Variants in PAQR8 observed in about 807,000 individuals in gnomAD.
The protein encoded by PAQR8 is membrane progestin receptor beta.
PAQR8 carries 17 observed loss-of-function variants against 25.2 expected under a neutral mutation model. The ratio of observed to expected loss-of-function variants is 0.67; its 90% CI spans 0.46 to 1.01. The LOEUF (loss-of-function observed/expected upper bound fraction) is 1.01. Ranked by LOEUF, PAQR8 falls within the 50% of genes least tolerant of loss-of-function variation. The probability of loss-of-function intolerance (pLI) is 0.00; values close to 1 mark genes in which losing one functional copy is unlikely to be tolerated. For missense variants in PAQR8, 392 were observed against 448.4 expected, an observed-to-expected ratio of 0.87 and a Z score of 1.14; for synonymous variants, 204 against 190.6, an observed-to-expected ratio of 1.07 and a Z score of -0.58.
At chr6:52,394,295 C>T (rs1306676309) in intron 1 of PAQR8, among the ~76,000 whole-genome samples, 1 of 152,180 alleles carries the variant, frequency 6.6e-6, no homozygotes, top group African/African-American at 2.4e-5. Flanking sequence ...CGTATTTTTA[C>T]TGTGTTTTCA....
intron 1 of PAQR8, among the ~76,000 whole-genome samples, chr6:52,380,855 CAG>C (rs1470785167): frequency 1.4e-4 from 21 of 152,184 alleles, no homozygotes; most frequent in Admixed American, 9.2e-4. Context: ...CTGGTATAAA[CAG>C]GTATCAACTT....
At position 52,403,547 on chromosome 6, in the gene PAQR8, C is replaced by T; in HGVS notation, c.334C>T (p.Leu112=). The stretch of plus-strand genomic sequence containing the variant: ...ATGGGCGTCTACCCACTCCCTGCCT[C>T]TGCTCCTCTTCATCCTGTCGTCAAT... ...LPWASTHSLP[L]LLFILSSITY... is the part of the protein sequence containing the mutation. The change falls in exon 2 of 2, where the codon CTG becomes TTG. Residue 112 remains leucine, a synonymous_variant. Transcript: ENST00000442253. The T allele has an allele frequency of 6.2e-7, 1 of 1,614,122 alleles. No individual in the cohort carries two copies. Among genetic ancestry groups the T allele is most frequent in the Non-Finnish European group, 8.5e-7 (1 of 1,180,046 alleles).
rs1376563590 is a variant in PAQR8, at chr6:52,392,820, C to T, written c.-52-10342C>T. On this transcript the variant is annotated intron_variant, in intron 1 of 1. Coordinates refer to ENST00000442253, the MANE Select transcript of PAQR8 (RefSeq NM_133367.5). ...ATCATATTTATCTGGGCTAATAGAC[C>T]TATTTGGATTATTTGATAGATTCCA... 2.0e-5 allele frequency among the ~76,000 whole-genome samples: 3 copies of T among 152,206 alleles called. No individual in the cohort carries two copies. In the East Asian group the frequency reaches 5.8e-4, roughly 29 times the overall value.
intron 1 of PAQR8, among the ~76,000 whole-genome samples, chr6:52,371,539 A>G (rs1026942200): frequency 3.3e-5 from 5 of 152,220 alleles, no homozygotes; most frequent in African/African-American, 1.2e-4. Flanking sequence ...TGTGGAAAAG[A>G]AGATTGAACA....
intron 1 of PAQR8, among the ~76,000 whole-genome samples, chr6:52,374,309 C>G (rs1763456605): frequency 6.6e-6 from 1 of 152,220 alleles, no homozygotes; most frequent in African/African-American, 2.4e-5. Context: ...CAAAACATCA[C>G]ATTGACTTTC....
rs555601230 is a variant in PAQR8 at position 52,362,949 on chromosome 6, G to A, written c.-53+700G>A. On this transcript the variant is annotated intron_variant, in intron 1 of 1. Transcript: ENST00000442253. This position sits in a 1 kb window ranked among gnomAD's most constrained non-coding sequence, Gnocchi z 4.1. ...GGCAGCTGGCTAATGGGCGGATGCT[G>A]GGGCTTGGCTGGATGGGAACGCCGC... 2.6e-5 allele frequency among the ~76,000 whole-genome samples: 4 copies of A among 152,276 alleles called. No homozygotes were observed. The highest frequency in any genetic ancestry group is 2.0e-4 in the Admixed American group (3 of 15,300).
chr6:52,382,724 C>T (rs1363208242), intron 1 of PAQR8, among the ~76,000 whole-genome samples: 1 of 151,964 alleles, frequency 6.6e-6, no homozygotes, highest in Non-Finnish European at 1.5e-5. Flanking sequence ...TGAAAACCAC[C>T]CACAATGCAT....
chr6:52,379,619 C>CTTT (rs909812638), intron 1 of PAQR8, among the ~76,000 whole-genome samples: 2,155 of 76,818 alleles, frequency 0.028, 229 homozygotes, highest in Non-Finnish European at 0.041. Context: ...ACCCAGCTTT[C>CTTT]TTTTTTTTTT....
intron 1 of PAQR8, among the ~76,000 whole-genome samples, chr6:52,376,652 C>T (rs1160724436): frequency 6.6e-6 from 1 of 151,944 alleles, no homozygotes; most frequent in Non-Finnish European, 1.5e-5. Context: ...TAGAGCTTAC[C>T]CCCACCCCAT....
intron 1 of PAQR8, among the ~76,000 whole-genome samples, chr6:52,394,140 G>A (rs946716355): frequency 6.6e-6 from 1 of 152,176 alleles, no homozygotes; most frequent in Non-Finnish European, 1.5e-5. Context: ...AGGGAACCCA[G>A]CAGATGGAGG....
Position 52,406,345 on chromosome 6 carries a change from C to G in PAQR8, c.*2067C>G, listed in dbSNP as rs1485955627. 2 of 411,046 alleles carry G rather than the reference C, an allele frequency of 4.9e-6. No individual in the cohort carries two copies. The highest frequency in any genetic ancestry group is 4.1e-5 in the African/African-American group (2 of 48,576). 25.5% of individuals were successfully genotyped at this position (411,046 alleles called of 1,614,324 possible). Reference sequence around the variant, plus strand: ...GTGTAAGTCAAGCTCTTGAATATAACTGGTGGTATTGTGGGCAGAGATCTT... The same window carrying G: ...GTGTAAGTCAAGCTCTTGAATATAAGTGGTGGTATTGTGGGCAGAGATCTT... On this transcript the variant is annotated 3_prime_UTR_variant, in exon 2 of 2. Coordinates refer to ENST00000442253, the MANE Select transcript of PAQR8 (RefSeq NM_133367.5).
At chr6:52,388,890 A>C (rs1431312481) in intron 1 of PAQR8, among the ~76,000 whole-genome samples, 5 of 152,220 alleles carry the variant, frequency 3.3e-5, no homozygotes, top group Non-Finnish European at 7.3e-5. Flanking sequence ...TGCCAGGCAC[A>C]GCAGGCTACA....
chr6:52,395,224 G>T (rs1763753391), intron 1 of PAQR8, among the ~76,000 whole-genome samples: 1 of 137,014 alleles, frequency 7.3e-6, no homozygotes, highest in African/African-American at 2.7e-5. Flanking sequence ...AGTGAGCCAA[G>T]ATTGCGCCAT....
intron 1 of PAQR8, among the ~76,000 whole-genome samples, chr6:52,379,615 C>CTTTT (rs1763528145): frequency 1.0e-5 from 1 of 100,500 alleles, no homozygotes; most frequent in African/African-American, 4.0e-5. Flanking sequence ...CCACACCCAG[C>CTTTT]TTTCTTTTTT....
intron 1 of PAQR8, among the ~76,000 whole-genome samples, chr6:52,391,626 A>G (rs1763710687): frequency 6.6e-6 from 1 of 152,222 alleles, no homozygotes; most frequent in Admixed American, 6.5e-5. Context: ...GACTATGGAG[A>G]TCCTGAGGCA....
chr6:52,367,512 T>C (rs1176271438), intron 1 of PAQR8, among the ~76,000 whole-genome samples: 1 of 152,010 alleles, frequency 6.6e-6, no homozygotes, highest in Non-Finnish European at 1.5e-5. Context: ...CCAAAGACTG[T>C]GCTTTAAACA....
At chr6:52,392,368 T>A (rs190275706) in intron 1 of PAQR8, among the ~76,000 whole-genome samples, 113 of 150,870 alleles carry the variant, frequency 7.5e-4, no homozygotes, top group Admixed American at 6.7e-3. Flanking sequence ...AAGTGTCACA[T>A]AGTGATAGAG....
At chr6:52,363,629 T>C (rs1207616992) in intron 1 of PAQR8, among the ~76,000 whole-genome samples, 2 of 152,080 alleles carry the variant, frequency 1.3e-5, no homozygotes, top group African/African-American at 4.8e-5. Context: ...GAGTTAAACA[T>C]GAGAGTATTG....
At chr6:52,374,983 A>G (rs1037608470) in intron 1 of PAQR8, among the ~76,000 whole-genome samples, 3 of 150,770 alleles carry the variant, frequency 2.0e-5, no homozygotes, top group African/African-American at 7.3e-5. Flanking sequence ...AGGGAAATAC[A>G]TTTTCAGGGA....
Sources: allele counts gnomAD v4.1 joint callset (sites outside exome capture counted in the v4.1 genomes callset), GRCh38; gene constraint gnomAD v4.1.1; non-coding constraint Gnocchi (gnomAD v3.1); transcripts MANE v1.5; gene names NCBI Gene and HGNC (gene_info 2026-07-23, HGNC 2026-07-21).